Variants in ARHGEF3 observed in about 807,000 individuals in gnomAD.
The protein encoded by ARHGEF3 is 59.8 kDA protein.
ARHGEF3 carries 28 observed loss-of-function variants against 63.2 expected under a neutral mutation model. That is an observed-to-expected ratio of 0.44 (90% CI 0.33 to 0.61). The LOEUF (loss-of-function observed/expected upper bound fraction) is 0.61, where lower values mean the gene tolerates loss of function less well. Among genes scored for constraint, ARHGEF3 ranks in the 20% least tolerant of loss-of-function variants. The probability of loss-of-function intolerance (pLI) is 0.03; values close to 1 mark genes in which losing one functional copy is unlikely to be tolerated. For missense variants in ARHGEF3, 533 were observed against 659.3 expected (o/e 0.81, Z 2.10); for synonymous variants, 266 against 254.2 (o/e 1.05, Z -0.44).
At chr3:56,981,354 A>C (rs541465578) in intron 2 of ARHGEF3, among the ~76,000 whole-genome samples, 1 of 152,312 alleles carries the variant, frequency 6.6e-6, no homozygotes, top group East Asian at 1.9e-4. Context: ...CATCCATGAC[A>C]GTGAAGCTCA....
chr3:56,877,968 T>C (rs1031293643), intron 4 of ARHGEF3, among the ~76,000 whole-genome samples: 1 of 152,214 alleles, frequency 6.6e-6, no homozygotes, highest in Non-Finnish European at 1.5e-5. Flanking sequence ...AGGAAGGAAA[T>C]ACATCAAAAT....
chr3:56,833,915 T>C (rs2039013097), intron 4 of ARHGEF3, among the ~76,000 whole-genome samples: 1 of 125,084 alleles, frequency 8.0e-6, no homozygotes, highest in African/African-American at 3.0e-5. Flanking sequence ...ATATTCTTTG[T>C]TTTCCCCCCC....
intron 1 of ARHGEF3, among the ~76,000 whole-genome samples, chr3:56,785,808 A>G (rs896163325): frequency 9.2e-5 from 14 of 152,238 alleles, no homozygotes; most frequent in Admixed American, 7.8e-4. Flanking sequence ...ACTGAAAACT[A>G]GACAGGGACC....
At chr3:56,903,837 G>T (rs543130054) in intron 3 of ARHGEF3, among the ~76,000 whole-genome samples, 1 of 152,154 alleles carries the variant, frequency 6.6e-6, no homozygotes, top group South Asian at 2.1e-4. Flanking sequence ...TATGTTGGTT[G>T]TATCTATCAA....
At chr3:56,995,637 GA>G (rs1701947671) in intron 2 of ARHGEF3, among the ~76,000 whole-genome samples, 1 of 85,896 alleles carries the variant, frequency 1.2e-5, no homozygotes, top group Non-Finnish European at 2.6e-5. Context: ...GAGAGAGAGA[GA>G]GAGAGAGAGA....
intron 7 of ARHGEF3, among the ~76,000 whole-genome samples, chr3:56,741,490 T>C (rs894001772): frequency 4.1e-5 from 6 of 144,780 alleles, no homozygotes; most frequent in Non-Finnish European, 4.5e-5. Context: ...GGCCTCTACA[T>C]TGGTTCTTTT....
intron 1 of ARHGEF3, among the ~76,000 whole-genome samples, chr3:57,076,506 C>G (rs1200906210): frequency 6.6e-6 from 1 of 152,166 alleles, no homozygotes; most frequent in Non-Finnish European, 1.5e-5. Context: ...ATCTGGTTCT[C>G]TGCCCCCTCT....
chr3:57,042,020 G>A (rs1377730460), intron 1 of ARHGEF3, among the ~76,000 whole-genome samples: 1 of 152,302 alleles, frequency 6.6e-6, no homozygotes, highest in East Asian at 1.9e-4. Flanking sequence ...CGAGACATTA[G>A]GTCAGTTACC....
rs1701180445 is a variant in ARHGEF3, at chr3:56,977,786, T to TA, written c.63-18898dup. Among the ~76,000 whole-genome samples the TA allele has an allele frequency of 1.3e-5, 2 of 152,102 alleles. 1 individual carries two copies. Among genetic ancestry groups the TA allele is most frequent in the South Asian group, 4.1e-4 (2 of 4,822 alleles). ...GTTCGGCCTCTAGGAATCCATGTCT[T>TA]AGACTATGAAAAATAGGAATAATAT... On this transcript the variant is annotated intron_variant, in intron 2 of 12. Coordinates refer to the ARHGEF3 transcript ENST00000338458.
intron 2 of ARHGEF3, among the ~76,000 whole-genome samples, chr3:57,011,616 T>A (rs891837794): frequency 1.3e-5 from 2 of 152,006 alleles, no homozygotes; most frequent in Non-Finnish European, 2.9e-5. Flanking sequence ...TTCAATAGTG[T>A]CAAGGTTGAG....
chr3:56,850,071 G>A (rs902386509), intron 4 of ARHGEF3, among the ~76,000 whole-genome samples: 1 of 151,794 alleles, frequency 6.6e-6, no homozygotes, highest in Non-Finnish European at 1.5e-5. Flanking sequence ...CACACAGCCC[G>A]AGCCTTATCA....
chr3:56,928,602 C>T (rs1279609083), intron 3 of ARHGEF3, among the ~76,000 whole-genome samples: 1 of 152,164 alleles, frequency 6.6e-6, no homozygotes, highest in African/African-American at 2.4e-5. Flanking sequence ...GAAATGTGCT[C>T]AGGGCTCCAC....
chr3:56,781,913 C>G (rs546228157), intron 1 of ARHGEF3, among the ~76,000 whole-genome samples: 1 of 152,142 alleles, frequency 6.6e-6, no homozygotes, highest in South Asian at 2.1e-4. Context: ...GTGGAGCTGG[C>G]AAGGAAGGAG....
chr3:56,760,922 C>T (rs2035378670), intron 2 of ARHGEF3, among the ~76,000 whole-genome samples: 1 of 152,110 alleles, frequency 6.6e-6, no homozygotes, highest in African/African-American at 2.4e-5. Flanking sequence ...TTTTTTCTTA[C>T]TCCACTCAGA....
chr3:56,933,367 T>C (rs2042462217), intron 3 of ARHGEF3, among the ~76,000 whole-genome samples: 1 of 151,904 alleles, frequency 6.6e-6, no homozygotes, highest in Non-Finnish European at 1.5e-5. Flanking sequence ...AATTGATCAC[T>C]CTATAAAATG....
intron 1 of ARHGEF3, among the ~76,000 whole-genome samples, chr3:57,062,847 G>A (rs959364133): frequency 5.3e-5 from 8 of 152,036 alleles, no homozygotes; most frequent in African/African-American, 1.9e-4. Context: ...TTTTCTTTAC[G>A]GGTTCAACAA....
intron 2 of ARHGEF3, among the ~76,000 whole-genome samples, chr3:56,769,353 C>T (rs2035885951): frequency 6.6e-6 from 1 of 152,234 alleles, no homozygotes; most frequent in African/African-American, 2.4e-5. Context: ...GCCAGATTTT[C>T]CTCTCAGGCA....
At chr3:56,911,418 G>A (rs1197722780) in intron 3 of ARHGEF3, among the ~76,000 whole-genome samples, 1 of 152,110 alleles carries the variant, frequency 6.6e-6, no homozygotes, top group Non-Finnish European at 1.5e-5. Context: ...TGCTTCCCAA[G>A]AGAACTGCCC....
At chr3:56,923,062 ATATATATAT>A (rs1560053862) in intron 3 of ARHGEF3, among the ~76,000 whole-genome samples, 4 of 29,620 alleles carry the variant, frequency 1.4e-4, no homozygotes, top group African/African-American at 4.1e-4. Context: ...ATATATATAT[ATATATATAT>A]ATATAAATTA....
Sources: allele counts gnomAD v4.1 joint callset (sites outside exome capture counted in the v4.1 genomes callset), GRCh38; gene constraint gnomAD v4.1.1; transcripts MANE v1.5; gene names NCBI Gene and HGNC (gene_info 2026-07-23, HGNC 2026-07-21).